The following GSS variants were observed in gnomAD, a reference collection of about 807,000 sequenced individuals.
GSS encodes glutathione synthetase.
A neutral mutation model predicts 60.4 loss-of-function variants in GSS; 34 were observed. The ratio of observed to expected loss-of-function variants is 0.56; its 90% CI spans 0.43 to 0.75. The LOEUF (loss-of-function observed/expected upper bound fraction) is 0.75. GSS is among the 30% of genes least tolerant of loss of function. The pLI is 0.00. For missense variants in GSS, 499 were observed against 595.1 expected, an observed-to-expected ratio of 0.84 and a Z score of 1.68; for synonymous variants, 224 against 239.0, an observed-to-expected ratio of 0.94 and a Z score of 0.58.
rs2081371207 is a variant in GSS at position 34,928,685 on chromosome 20, C to T, written c.*143G>A. ...CTAAGGGAGACACAACTTTTCTGGT[C>T]CTCAGATGGAAAGCTGGGGGAAGGT... On this transcript the variant is annotated 3_prime_UTR_variant, in exon 13 of 13. Transcript: ENST00000651619. The T allele has an allele frequency of 3.2e-6, 3 of 923,276 alleles. No individual in the cohort carries two copies. The highest frequency in any genetic ancestry group is 5.2e-6 in the Non-Finnish European group (3 of 581,726). The allele number at this position is 923,276 out of a possible 1,614,324, so 57.2% of individuals were successfully genotyped here.
chr20:34,945,424 G>A (rs1025121411), intron 3 of GSS, among the ~76,000 whole-genome samples: 4 of 150,434 alleles, frequency 2.7e-5, no homozygotes, highest in African/African-American at 7.3e-5. Flanking sequence ...AGAGAAGGGC[G>A]GATGGGCTGA....
At chr20:34,952,753 A>C (rs2081579539) in intron 1 of GSS, 1 of 152,206 alleles carries the variant, frequency 6.6e-6, no homozygotes, top group Admixed American at 6.5e-5. Context: ...TATTTTTAAC[A>C]AGTTTTCCTG....
At chr20:34,943,481 T>C (rs1422629798) in intron 3 of GSS, among the ~76,000 whole-genome samples, 1 of 152,148 alleles carries the variant, frequency 6.6e-6, no homozygotes, top group East Asian at 1.9e-4. Flanking sequence ...AGGGTGAGCC[T>C]TCTCCTCCTC....
intron 2 of GSS, 55 bp downstream of exon 2, chr20:34,951,669 C>G (rs955907836): frequency 7.0e-6 from 11 of 1,562,008 alleles, no homozygotes; most frequent in Non-Finnish European, 9.6e-6. Flanking sequence ...CTCAGCCTGG[C>G]CGGGGCCAGA....
At chr20:34,954,813 C>T (rs1055046310) in intron 1 of GSS, 7 of 153,736 alleles carry the variant, frequency 4.6e-5, no homozygotes, top group Non-Finnish European at 7.3e-5. Flanking sequence ...CTCTGATGAA[C>T]CCCACCCAGG....
Position 34,941,774 on chromosome 20 carries a change from T to C in GSS, c.547A>G (p.Asn183Asp), listed in dbSNP as rs760325234. Reference protein sequence around the residue: ...TKEAGKILSNNPSKGLALGIA... With the variant: ...TKEAGKILSNDPSKGLALGIA... The stretch of plus-strand genomic sequence containing the variant: ...CCCAGGGCCAGTCCCTTGCTGGGAT[T>C]ATTAGAGAGGATCTTGCCAGCTTCT... Residue 183 changes from asparagine (N) to aspartate (D), a missense_variant, in exon 6 of 13, where the codon AAT becomes GAT. Physicochemically the swap from Asn to Asp is conservative, Grantham distance 23. Coordinates refer to ENST00000651619, the MANE Select transcript of GSS (RefSeq NM_000178.4). 1.2e-6 allele frequency: 2 copies of C among 1,611,988 alleles called. No homozygotes were observed.
intron 8 of GSS, among the ~76,000 whole-genome samples, chr20:34,936,296 GCT>G (rs1293213390): frequency 5.3e-5 from 8 of 152,186 alleles, no homozygotes; most frequent in Non-Finnish European, 7.3e-5. Context: ...AAATATATGT[GCT>G]GCAATGCTAC....
chr20:34,955,093 C>T (rs6088660), intron 1 of GSS: 37,966 of 152,006 alleles, frequency 0.25, 5,152 homozygotes, highest in Non-Finnish European at 0.31. Flanking sequence ...CACTCCTGAT[C>T]TGGGCTCGCG....
At position 34,946,067 on chromosome 20, in the gene GSS, G is replaced by T; in HGVS notation, c.161C>A (p.Pro54His). Residue 54 changes from proline (P) to histidine (H), a missense_variant, in exon 3 of 13, where the codon CCC becomes CAC. Physicochemically the swap from Pro to His is moderately conservative, Grantham distance 77. Coordinates refer to ENST00000651619, the MANE Select transcript of GSS (RefSeq NM_000178.4). The part of the protein sequence containing the change: ...VVSYAPFTLF[P>H]SLVPSALLEQ... Reference sequence around the variant, plus strand: ...CAGCAGGGCACTGGGGACCAGTGAGGGGAAGAGCGTGAATGGGGCATAGCT... The same window carrying T: ...CAGCAGGGCACTGGGGACCAGTGAGTGGAAGAGCGTGAATGGGGCATAGCT... The T allele has an allele frequency of 6.2e-7, 1 of 1,613,560 alleles. No individual in the cohort carries two copies. Among genetic ancestry groups the T allele is most frequent in the Non-Finnish European group, 8.5e-7 (1 of 1,179,530 alleles).
Position 34,935,604 on chromosome 20 carries a change from C to A in GSS, c.806G>T (p.Gly269Val). The change falls in exon 9 of 13, where the codon GGC (glycine) becomes GTC (valine). Residue 269 changes from glycine to valine, a missense_variant. Transcript: ENST00000651619. ...TAGACTGTACTGACGAGGCATGTAG[C>A]CATCCCGGAAGTAAACCACAGCAAT... ...QEIAVVYFRD[G>V]YMPRQYSLQN... 6.2e-7 allele frequency: 1 copy of A among 1,613,260 alleles called. No homozygotes were observed. Among genetic ancestry groups the A allele is most frequent in the Non-Finnish European group, 8.5e-7 (1 of 1,179,278 alleles).
At chr20:34,936,603 G>A (rs2081442414) in intron 8 of GSS, among the ~76,000 whole-genome samples, 160 bp downstream of exon 8, 1 of 152,186 alleles carries the variant, frequency 6.6e-6, no homozygotes, top group African/African-American at 2.4e-5. Flanking sequence ...CAGCGTGGCT[G>A]GCTTTCTCCA....
rs757960558 is a variant in GSS at position 34,931,377 on chromosome 20, G to T, written c.1070C>A (p.Ala357Asp). ...GGGCTTTAGCACAAACCGGCTAGGGGCAGCAAGGGCCTCGGCGATGGCCTG... is the reference window on the plus strand; with the variant it reads ...GGGCTTTAGCACAAACCGGCTAGGGTCAGCAAGGGCCTCGGCGATGGCCTG... ...GDQAIAEALA[A>D]PSRFVLKPQR... is the part of the protein sequence containing the mutation. The change falls in exon 11 of 13, where the codon GCC becomes GAC. Residue 357 changes from alanine (A) to aspartate (D), a missense_variant. Ala to Asp is a moderately radical substitution (Grantham distance 126, BLOSUM62 -2). Coordinates refer to ENST00000651619, the MANE Select transcript of GSS (RefSeq NM_000178.4). 1 of 1,614,202 alleles carries T rather than the reference G, an allele frequency of 6.2e-7. No homozygotes were observed. Among genetic ancestry groups the T allele is most frequent in the South Asian group, 1.1e-5 (1 of 91,092 alleles).
chr20:34,949,245 C>T (rs1484580464), intron 2 of GSS, among the ~76,000 whole-genome samples: 3 of 152,284 alleles, frequency 2.0e-5, no homozygotes, highest in Non-Finnish European at 4.4e-5. Context: ...TCCCCAAACA[C>T]TGCAGGAGCC....
chr20:34,946,415 C>T (rs144326538), intron 2 of GSS, among the ~76,000 whole-genome samples: 1 of 152,362 alleles, frequency 6.6e-6, no homozygotes, highest in East Asian at 1.9e-4. Flanking sequence ...ATTCATCATT[C>T]AGCCCTGTGA....
At chr20:34,949,379 A>G (rs2081548419) in intron 2 of GSS, 1 of 148,646 alleles carries the variant, frequency 6.7e-6, no homozygotes. Flanking sequence ...CTTTCCCACT[A>G]TATCCACTTA....
intron 1 of GSS, 113 bp from the exon 2 acceptor site, chr20:34,951,973 G>A (rs1412063995): frequency 9.6e-7 from 1 of 1,039,188 alleles, no homozygotes; most frequent in Non-Finnish European, 1.5e-6. Flanking sequence ...CTGTTGGAAG[G>A]GAACAGCGTG....
chr20:34,931,475 T>G, intron 10 of GSS, 58 bp from the exon 11 acceptor site: 2 of 1,360,262 alleles, frequency 1.5e-6, no homozygotes, highest in Non-Finnish European at 2.1e-6. Flanking sequence ...GCAAGAAGCT[T>G]AGGTCCAGCT....
chr20:34,955,820 GC>G (rs1330419416), upstream of GSS: 1 of 152,276 alleles, frequency 6.6e-6, no homozygotes, highest in African/African-American at 2.4e-5. Flanking sequence ...GTGCGCTTGC[GC>G]TGACCGCCCC....
Position 34,928,874 on chromosome 20 carries a change from C to G in GSS, c.1379G>C (p.Gly460Ala). The stretch of plus-strand genomic sequence containing the variant: ...CAGGACTGCCACTCCCGCTGCCACA[C>G]CACCATCTGCATGCTCGATGGCTTT... Reference protein sequence around the residue: ...RTKAIEHADGGVAAGVAVLDN... With the variant: ...RTKAIEHADGAVAAGVAVLDN... Residue 460 changes from glycine to alanine, a missense_variant, in exon 13 of 13, where the codon GGT (glycine) becomes GCT (alanine). By Grantham distance (60) the Gly-to-Ala change is moderately conservative. Transcript: ENST00000651619. The G allele has an allele frequency of 1.9e-6, 3 of 1,614,026 alleles. No individual in the cohort carries two copies. Among genetic ancestry groups the G allele is most frequent in the Non-Finnish European group, 1.7e-6 (2 of 1,179,990 alleles).
Sources: allele counts gnomAD v4.1 joint callset (sites outside exome capture counted in the v4.1 genomes callset), GRCh38; gene constraint gnomAD v4.1.1; transcripts MANE v1.5; gene names NCBI Gene and HGNC (gene_info 2026-07-23, HGNC 2026-07-21).